Variants in TBC1D19 observed in about 807,000 individuals in gnomAD.
TBC1D19 encodes TBC1 domain family, member 19.
In TBC1D19, 60 loss-of-function variants were observed where a neutral mutation model predicts 89.0. The ratio of observed to expected loss-of-function variants is 0.67; its 90% CI spans 0.55 to 0.84. The LOEUF (loss-of-function observed/expected upper bound fraction) is 0.84. Among genes scored for constraint, TBC1D19 ranks in the 40% least tolerant of loss-of-function variants. TBC1D19 has a pLI of 0.00. For missense variants in TBC1D19, 500 were observed against 610.8 expected (o/e 0.82, Z 1.91); for synonymous variants, 189 against 199.7 (o/e 0.95, Z 0.45).
chr4:26,599,497 C>T (rs920657526), intron 1 of TBC1D19, among the ~76,000 whole-genome samples: 2 of 152,176 alleles, frequency 1.3e-5, no homozygotes, highest in Admixed American at 1.3e-4. Context: ...CCCCACCCCC[C>T]ACCATTAGCT....
At chr4:26,826,680 C>A in the TBC1D19 span, among the ~76,000 whole-genome samples, 1 of 152,144 alleles carries the variant, frequency 6.6e-6, no homozygotes, top group Non-Finnish European at 1.5e-5. Flanking sequence ...TGAATAGAGT[C>A]CAGTAAAGTT....
At position 26,576,868 on chromosome 4, in the gene TBC1D19, A is replaced by T. The variant is rs947758509; in HGVS notation, c.6+71A>T. 21 of 455,822 alleles carry T rather than the reference A, an allele frequency of 4.6e-5. No homozygotes were observed. The Admixed American group carries it at 4.9e-4, about 11-fold the overall frequency. The allele number at this position is 455,822 out of a possible 1,614,324, so 28.2% of individuals were successfully genotyped here. A position where few individuals can be genotyped will look rare whatever the true frequency, so the allele number is the denominator to read the frequency against. On this transcript the variant is annotated intron_variant, in intron 1 of 12. Coordinates refer to the TBC1D19 transcript ENST00000512840. ...TCATGAACCTGTTGTATCTGTTGGGATGGTTAAAATTGTGTGTCAAATTGG... is the reference window on the plus strand; with the variant it reads ...TCATGAACCTGTTGTATCTGTTGGGTTGGTTAAAATTGTGTGTCAAATTGG...
At chr4:26,586,895 A>G (rs1233414372) in intron 1 of TBC1D19, among the ~76,000 whole-genome samples, 3 of 152,228 alleles carry the variant, frequency 2.0e-5, no homozygotes, top group Non-Finnish European at 4.4e-5. Context: ...ATAATGAACT[A>G]AAGACAGTTT....
At chr4:26,781,389 C>T in the TBC1D19 span, among the ~76,000 whole-genome samples, 1 of 152,166 alleles carries the variant, frequency 6.6e-6, no homozygotes, top group Admixed American at 6.6e-5. Flanking sequence ...TGTCAGTTCT[C>T]TCACCTCTAA....
intron 1 of TBC1D19, among the ~76,000 whole-genome samples, chr4:26,593,398 C>A (rs1039840914): frequency 2.6e-4 from 40 of 152,122 alleles, no homozygotes; most frequent in Admixed American, 1.3e-3. Context: ...AGAAGAAAAC[C>A]TAGGCAATAC....
rs181073449 is a variant in TBC1D19, at chr4:26,639,560, T to G, written c.434-581T>G. On this transcript the variant is annotated intron_variant, in intron 6 of 20. Transcript: ENST00000264866. ...TTTTAAAGAATTTATTTTTGTTCAT[T>G]TTAATATTTAAAATCTAGTCAATTT... Among the ~76,000 whole-genome samples, 6 of 152,316 alleles carry G rather than the reference T, an allele frequency of 3.9e-5. No homozygotes were observed. The East Asian group carries it at 1.2e-3, about 29-fold the overall frequency.
chr4:26,739,619 G>A (rs185161299), intron 16 of TBC1D19, among the ~76,000 whole-genome samples: 2 of 151,846 alleles, frequency 1.3e-5, no homozygotes, highest in East Asian at 3.9e-4. Flanking sequence ...TCATTCTTAG[G>A]CATCTGTTAA....
the TBC1D19 span, among the ~76,000 whole-genome samples, chr4:26,844,428 T>G: frequency 6.6e-6 from 1 of 152,262 alleles, no homozygotes. Flanking sequence ...TAAGTGGATT[T>G]CCAGAAGAAT....
chr4:26,626,621 T>C (rs1463404747), intron 4 of TBC1D19, among the ~76,000 whole-genome samples: 1 of 152,056 alleles, frequency 6.6e-6, no homozygotes, highest in Non-Finnish European at 1.5e-5. Context: ...AGCTCAGAAA[T>C]GCTCAGGCAA....
chr4:26,708,800 A>G (rs1471081176), intron 13 of TBC1D19, among the ~76,000 whole-genome samples: 1 of 151,982 alleles, frequency 6.6e-6, no homozygotes, highest in African/African-American at 2.4e-5. Flanking sequence ...TTCCAGCTCC[A>G]TAATTTCCTT....
In TBC1D19 at chr4:26,755,571, T is replaced by C. The variant is rs1479286255; in HGVS notation, c.*624T>C. On this transcript the variant is annotated 3_prime_UTR_variant, in exon 21 of 21. Coordinates refer to ENST00000264866, the MANE Select transcript of TBC1D19 (RefSeq NM_018317.4). ...GAAGGTCGAATACAATTGTCTCCAT[T>C]TGACAATATTTTATGCTTGACTCTC... Among the ~76,000 whole-genome samples the C allele has an allele frequency of 2.6e-5, 4 of 152,186 alleles. No homozygotes were observed. Among genetic ancestry groups the C allele is most frequent in the African/African-American group, 4.8e-5 (2 of 41,454 alleles).
At chr4:26,702,031 T>C (rs1348123721) in intron 13 of TBC1D19, among the ~76,000 whole-genome samples, 4 of 152,298 alleles carry the variant, frequency 2.6e-5, no homozygotes, top group Non-Finnish European at 4.4e-5. Context: ...AAGTTACAAC[T>C]ACAAAGCCTC....
chr4:26,813,886 G>A, the TBC1D19 span, among the ~76,000 whole-genome samples: 1 of 152,112 alleles, frequency 6.6e-6, no homozygotes, highest in African/African-American at 2.4e-5. Context: ...ACGGTAAGCT[G>A]GGGTGTTTCC....
At chr4:26,582,397 T>G (rs1474223504), upstream of TBC1D19, among the ~76,000 whole-genome samples, 2 of 152,182 alleles carry the variant, frequency 1.3e-5, no homozygotes, top group African/African-American at 4.8e-5. Flanking sequence ...TATCTATGCC[T>G]TTTCTTCTGC....
chr4:26,802,957 G>A, the TBC1D19 span, among the ~76,000 whole-genome samples: 3 of 152,194 alleles, frequency 2.0e-5, no homozygotes, highest in Non-Finnish European at 4.4e-5. Flanking sequence ...CTCATGCGGT[G>A]GAGGCATGAA....
intron 13 of TBC1D19, among the ~76,000 whole-genome samples, chr4:26,696,688 C>G (rs549041974): frequency 7.2e-5 from 11 of 152,320 alleles, no homozygotes; most frequent in Middle Eastern, 3.4e-3. Context: ...CAAACTAGAA[C>G]TCAGGGTTAA....
intron 13 of TBC1D19, among the ~76,000 whole-genome samples, chr4:26,689,799 A>G (rs1395496211): frequency 1.3e-5 from 2 of 152,256 alleles, no homozygotes; most frequent in East Asian, 1.9e-4. Context: ...AGTCCTTTCT[A>G]TACACTGAGA....
the TBC1D19 span, among the ~76,000 whole-genome samples, chr4:26,796,014 T>A: frequency 1.3e-5 from 2 of 152,326 alleles, no homozygotes; most frequent in East Asian, 3.9e-4. Flanking sequence ...CTGTACACAT[T>A]GAATCTTGCT....
intron 1 of TBC1D19, among the ~76,000 whole-genome samples, chr4:26,609,984 AAT>A (rs1436142233): frequency 1.3e-5 from 2 of 152,120 alleles, no homozygotes; most frequent in Non-Finnish European, 2.9e-5. Flanking sequence ...CATATAGTAT[AAT>A]AGAAGGTGAG....
Sources: gnomAD v4.1 joint callset for allele counts (sites outside exome capture counted in the v4.1 genomes callset) on GRCh38, gnomAD v4.1.1 for gene constraint, MANE v1.5 for transcripts, NCBI Gene and HGNC (gene_info 2026-07-23, HGNC 2026-07-21) for gene names.